Variants in RGS12 observed in about 807,000 individuals in gnomAD.
RGS12 encodes the protein regulator of G-protein signaling 12.
A neutral mutation model predicts 120.1 loss-of-function variants in RGS12; 66 were observed. The ratio of observed to expected loss-of-function variants is 0.55; its 90% CI spans 0.45 to 0.67. The LOEUF (loss-of-function observed/expected upper bound fraction) is 0.67. Among genes scored for constraint, RGS12 ranks in the 30% least tolerant of loss-of-function variants. The pLI is 0.00. For synonymous variants in RGS12, 827 were observed against 804.7 expected (o/e 1.03, Z -0.47); for missense variants, 1,859 against 1,957.7 (o/e 0.95, Z 0.95).
chr4:3,401,472 C>G (rs1720575273), intron 4 of RGS12, among the ~76,000 whole-genome samples: 1 of 152,220 alleles, frequency 6.6e-6, no homozygotes. Flanking sequence ...TTCATGTCAG[C>G]ATAGACGCAT....
intron 3 of RGS12, among the ~76,000 whole-genome samples, chr4:3,343,523 T>C (rs2108779664): frequency 6.6e-6 from 1 of 152,254 alleles, no homozygotes; most frequent in East Asian, 1.9e-4. Flanking sequence ...CCCACCCACT[T>C]GTTAAAAATG....
chr4:3,370,183 C>G, intron 3 of RGS12: 1 of 1,583,318 alleles, frequency 6.3e-7, no homozygotes, highest in African/African-American at 1.3e-5. Flanking sequence ...TCGGAAATGC[C>G]TTTAAACTTT....
At chr4:3,367,619 G>A (rs1020269274) in intron 3 of RGS12, among the ~76,000 whole-genome samples, 6 of 152,214 alleles carry the variant, frequency 3.9e-5, no homozygotes, top group African/African-American at 1.4e-4. Context: ...CATGTGGCAG[G>A]GGGCTCATCC....
At chr4:3,432,706 T>C (rs989469787) in intron 17 of RGS12, among the ~76,000 whole-genome samples, 1 of 152,234 alleles carries the variant, frequency 6.6e-6, no homozygotes, top group Non-Finnish European at 1.5e-5. Flanking sequence ...CCCTGCGCTC[T>C]GGTGGCTGCC....
intron 1 of RGS12, among the ~76,000 whole-genome samples, chr4:3,308,098 G>C (rs1189369676): frequency 1.3e-5 from 2 of 152,344 alleles, no homozygotes; most frequent in East Asian, 1.9e-4. Context: ...GGGCAGCTCT[G>C]GGCCCAGGGG....
At chr4:3,369,758 G>A (rs1389817119) in intron 3 of RGS12, 1 of 153,170 alleles carries the variant, frequency 6.5e-6, no homozygotes, top group Admixed American at 6.5e-5. Context: ...CTTTCTGGTT[G>A]TTTCATATAT....
chr4:3,412,975 CAGG>C (rs1426362370), intron 4 of RGS12: 2 of 151,614 alleles, frequency 1.3e-5, no homozygotes, highest in Non-Finnish European at 2.9e-5. Flanking sequence ...CTGCTCACGT[CAGG>C]AGGGACGGGG....
intron 3 of RGS12, among the ~76,000 whole-genome samples, chr4:3,381,305 T>C (rs1196289510): frequency 6.6e-6 from 1 of 152,232 alleles, no homozygotes; most frequent in Non-Finnish European, 1.5e-5. Context: ...TGTCTTCTTC[T>C]GAGCCCTCCA....
intron 1 of RGS12, among the ~76,000 whole-genome samples, chr4:3,311,160 A>AGACTCTCTCTGCCTTCGGAGGACGGC (rs1724377388): frequency 6.6e-6 from 1 of 151,794 alleles, no homozygotes; most frequent in Admixed American, 6.6e-5. Context: ...CGGTGCCCCC[A>AGACTCTCTCTGCCTTCGGAGGACGGC]GACTCTCTCT....
Position 3,430,611 on chromosome 4 carries a change from C to T in RGS12, c.3770C>T (p.Pro1257Leu). ...AACGGCCGGGAGAGCGCCTCCCAGC[C>T]TGGCGAGCAGTGGGAGCCAGTCCAG... ...TGNGRESASQPGEQWEPVQES... is the reference protein window; with the variant it reads ...TGNGRESASQLGEQWEPVQES... The change falls in exon 17 of 18, where the codon CCT (proline) becomes CTT (leucine). Residue 1257 changes from proline (P) to leucine (L), a missense_variant. By Grantham distance (98) the Pro-to-Leu change is moderately conservative. Coordinates refer to ENST00000336727, the MANE Select transcript of RGS12 (RefSeq NM_001394154.1). The T allele has an allele frequency of 6.2e-7, 1 of 1,611,154 alleles. No individual in the cohort carries two copies. The highest frequency in any genetic ancestry group is 8.5e-7 in the Non-Finnish European group (1 of 1,179,206).
intron 2 of RGS12, among the ~76,000 whole-genome samples, chr4:3,335,766 G>T (rs1712391570): frequency 6.6e-6 from 1 of 152,110 alleles, no homozygotes. Flanking sequence ...CAGCCTGGGA[G>T]ATAGAATGAG....
chr4:3,301,234 C>G (rs1723670308), intron 1 of RGS12, among the ~76,000 whole-genome samples: 2 of 152,202 alleles, frequency 1.3e-5, no homozygotes, highest in African/African-American at 4.8e-5. Flanking sequence ...TCCCGGCTGC[C>G]CTGTGGGCAG....
intron 4 of RGS12, among the ~76,000 whole-genome samples, chr4:3,410,229 A>G (rs1184874044): frequency 1.3e-5 from 2 of 152,230 alleles, no homozygotes; most frequent in Non-Finnish European, 2.9e-5. Context: ...ATCCTCTGGA[A>G]TAGCTGGGAC....
the RGS12 span, among the ~76,000 whole-genome samples, chr4:3,286,233 C>G: frequency 1.3e-5 from 2 of 152,212 alleles, 1 homozygote; most frequent in South Asian, 4.1e-4. Context: ...GCCACTCGGC[C>G]ACCCTAAGGG....
intron 15 of RGS12, 53 bp from the exon 16 acceptor site, chr4:3,428,505 G>A (rs1723912992): frequency 7.0e-7 from 1 of 1,423,270 alleles, no homozygotes; most frequent in South Asian, 1.3e-5. Flanking sequence ...AATGAATGAT[G>A]TATTGTCGTG....
intron 3 of RGS12, among the ~76,000 whole-genome samples, chr4:3,347,267 A>AC (rs1713890228): frequency 6.6e-6 from 1 of 152,038 alleles, no homozygotes; most frequent in South Asian, 2.1e-4. Flanking sequence ...ACGTGGTGAG[A>AC]CCCCGTCTCT....
At chr4:3,350,347 T>A (rs1356458836) in intron 3 of RGS12, among the ~76,000 whole-genome samples, 1 of 152,222 alleles carries the variant, frequency 6.6e-6, no homozygotes, top group African/African-American at 2.4e-5. Flanking sequence ...CTTCTATTTT[T>A]ATTTTATCAA....
At chr4:3,299,282 A>AC (rs762458781) in intron 1 of RGS12, among the ~76,000 whole-genome samples, 5 of 151,464 alleles carry the variant, frequency 3.3e-5, no homozygotes, top group Non-Finnish European at 5.9e-5. Flanking sequence ...TTCCCCAGTG[A>AC]CCTCCTTTCT....
intron 3 of RGS12, among the ~76,000 whole-genome samples, chr4:3,373,768 G>T (rs1426876267): frequency 6.6e-6 from 1 of 152,210 alleles, no homozygotes; most frequent in Non-Finnish European, 1.5e-5. Flanking sequence ...CCTGGAGTCT[G>T]TGCCGGCGAG....
Sources: allele counts gnomAD v4.1 joint callset (sites outside exome capture counted in the v4.1 genomes callset), GRCh38; gene constraint gnomAD v4.1.1; transcripts MANE v1.5; gene names NCBI Gene and HGNC (gene_info 2026-07-23, HGNC 2026-07-21).